PCCA: variants seen among roughly 807,000 people sequenced by gnomAD.
PCCA encodes propionyl-CoA carboxylase alpha chain, mitochondrial.
PCCA carries 74 observed loss-of-function variants against 101.3 expected under a neutral mutation model. The ratio of observed to expected loss-of-function variants is 0.73; its 90% CI spans 0.61 to 0.89. The LOEUF (loss-of-function observed/expected upper bound fraction) is 0.89, where lower values mean the gene tolerates loss of function less well. Among genes scored for constraint, PCCA ranks in the 40% least tolerant of loss-of-function variants. The pLI, the probability that PCCA is intolerant of heterozygous loss-of-function variation, is 0.00. For synonymous variants in PCCA, 294 were observed against 313.6 expected, an observed-to-expected ratio of 0.94 and a Z score of 0.66; for missense variants, 891 against 907.0, an observed-to-expected ratio of 0.98 and a Z score of 0.23.
chr13:100,505,640 G>A (rs555226167), intron 21 of PCCA, among the ~76,000 whole-genome samples: 19 of 152,296 alleles, frequency 1.2e-4, no homozygotes, highest in Non-Finnish European at 2.5e-4. Context: ...TGGGGCGGGC[G>A]GATCCCTTGA....
At chr13:100,384,636 C>A (rs1271650056) in intron 19 of PCCA, among the ~76,000 whole-genome samples, 2 of 151,904 alleles carry the variant, frequency 1.3e-5, no homozygotes, top group African/African-American at 4.8e-5. Context: ...ATCTTTTGTT[C>A]AAAAAATAGA....
intron 6 of PCCA, among the ~76,000 whole-genome samples, chr13:100,188,717 T>C (rs2057511486): frequency 1.3e-5 from 2 of 152,160 alleles, no homozygotes; most frequent in African/African-American, 4.8e-5. Flanking sequence ...CACGCCAACA[T>C]CTAATATTTT....
chr13:100,368,339 G>GT lies in PCCA; in HGVS notation c.1644-132dup, dbSNP rs1466813862. The GT allele has an allele frequency of 2.9e-5, 18 of 622,482 alleles. No individual in the cohort carries two copies. The Admixed American group carries it at 4.2e-4, about 15-fold the overall frequency. The allele number at this position is 622,482 out of a possible 1,614,324, so 38.6% of individuals were successfully genotyped here. A position where few individuals can be genotyped will look rare whatever the true frequency, so the allele number is the denominator to read the frequency against. On this transcript the variant is annotated intron_variant, in intron 18 of 23. Transcript: ENST00000376285. Reference sequence around the variant, plus strand: ...TCATAGATACATGATGATTCTTAGAGTAGGTGTTTAAAATGTTCGCAAATA... The same window carrying GT: ...TCATAGATACATGATGATTCTTAGAGTTAGGTGTTTAAAATGTTCGCAAATA...
intron 6 of PCCA, among the ~76,000 whole-genome samples, chr13:100,178,804 G>A (rs541743857): frequency 1.8e-4 from 27 of 152,124 alleles, no homozygotes; most frequent in African/African-American, 6.3e-4. Context: ...TGGGCCGGGC[G>A]CGGTGGCTCA....
intron 6 of PCCA, among the ~76,000 whole-genome samples, chr13:100,178,061 A>G (rs572230972): frequency 6.6e-5 from 10 of 152,282 alleles, no homozygotes; most frequent in South Asian, 4.2e-4. Flanking sequence ...CCAGACTTCA[A>G]TTTAATTCAG....
chr13:100,236,757 T>C (rs2060826697), intron 8 of PCCA: 1 of 152,216 alleles, frequency 6.6e-6, no homozygotes, highest in Non-Finnish European at 1.5e-5. Context: ...CCACCGCCCC[T>C]GGCTCGCAAC....
At chr13:100,419,786 G>A (rs1259165732) in intron 19 of PCCA, among the ~76,000 whole-genome samples, 14 of 152,242 alleles carry the variant, frequency 9.2e-5, no homozygotes, top group Admixed American at 6.5e-4. Flanking sequence ...CTGGTTAGGC[G>A]AGAAAATAAG....
chr13:100,207,381 T>G (rs1251489325), intron 6 of PCCA, among the ~76,000 whole-genome samples: 1 of 152,080 alleles, frequency 6.6e-6, no homozygotes, highest in Non-Finnish European at 1.5e-5. Flanking sequence ...ACAACTTTTA[T>G]TTTTGTATTT....
intron 18 of PCCA, among the ~76,000 whole-genome samples, chr13:100,355,749 G>C (rs147067971): frequency 6.6e-6 from 1 of 152,036 alleles, no homozygotes; most frequent in Admixed American, 6.6e-5. Flanking sequence ...ATCCTTACTA[G>C]AATCCCAGCT....
intron 11 of PCCA, among the ~76,000 whole-genome samples, chr13:100,272,840 A>T (rs1198005801): frequency 6.6e-6 from 1 of 152,202 alleles, no homozygotes; most frequent in East Asian, 1.9e-4. Context: ...TGTATGTTAG[A>T]TACTAATAAG....
intron 21 of PCCA, among the ~76,000 whole-genome samples, chr13:100,461,806 GGCAGTTACCTGCCTAC>G (rs1268198112): frequency 6.6e-6 from 1 of 152,174 alleles, no homozygotes; most frequent in African/African-American, 2.4e-5. Context: ...GTTGGCTCTT[GGCAGTTACCTGCCTAC>G]CCAAGCTGCA....
At chr13:100,385,813 T>C (rs2076468842) in intron 19 of PCCA, among the ~76,000 whole-genome samples, 1 of 152,170 alleles carries the variant, frequency 6.6e-6, no homozygotes, top group African/African-American at 2.4e-5. Context: ...GGTTTCACCA[T>C]GTTGCCCAGG....
intron 19 of PCCA, 32 bp downstream of exon 19, chr13:100,368,606 C>A (rs774653278): frequency 6.1e-6 from 8 of 1,309,514 alleles, no homozygotes; most frequent in Non-Finnish European, 8.9e-6. Flanking sequence ...TCTTGGTAAT[C>A]TTGATGTTAT....
chr13:100,222,739 T>C lies in PCCA; in HGVS notation c.601-13103T>C, dbSNP rs143609275. ...AATTAGTCTACAGTGTTTTTAAGAC[T>C]AAAGTCTTTTCCTTGATAACTATAT... On this transcript the variant is annotated intron_variant, in intron 7 of 23. Coordinates refer to ENST00000376285, the MANE Select transcript of PCCA (RefSeq NM_000282.4). Among the ~76,000 whole-genome samples the C allele has an allele frequency of 5.9e-3, 905 of 152,366 alleles. 9 individuals are homozygous for C. The highest frequency in any genetic ancestry group is 6.5e-3 in the Non-Finnish European group (440 of 68,026).
chr13:100,487,163 T>C (rs551565203), intron 21 of PCCA, among the ~76,000 whole-genome samples: 4 of 152,166 alleles, frequency 2.6e-5, no homozygotes, highest in Non-Finnish European at 5.9e-5. Context: ...AAGTAAGACA[T>C]AGAGGCCTCA....
chr13:100,526,508 C>T (rs1215026480), intron 22 of PCCA, among the ~76,000 whole-genome samples: 1 of 152,162 alleles, frequency 6.6e-6, no homozygotes, highest in African/African-American at 2.4e-5. Flanking sequence ...TTGCGCCACA[C>T]GGGGGGGCCA....
rs371008315 is a variant in PCCA, at chr13:100,358,805, G to A, written c.1644-9667G>A. Among the ~76,000 whole-genome samples, 148 of 152,272 alleles carry A rather than the reference G, an allele frequency of 9.7e-4. 4 individuals carry two copies. The South Asian group carries it at 0.028, about 29-fold the overall frequency. On this transcript the variant is annotated intron_variant, in intron 18 of 23. Transcript: ENST00000376285. ...TATGTCCAAACTAATCAACTTGTGT[G>A]CATTAAACATGCTGTTTTTTAAAAT...
chr13:100,341,899 C>T (rs1336544406), intron 18 of PCCA, among the ~76,000 whole-genome samples: 1 of 145,580 alleles, frequency 6.9e-6, no homozygotes, highest in African/African-American at 2.6e-5. Flanking sequence ...ATAAAAATTA[C>T]CTGTAATCCC....
At chr13:100,128,063 A>G (rs532395679) in intron 4 of PCCA, among the ~76,000 whole-genome samples, 2 of 152,278 alleles carry the variant, frequency 1.3e-5, no homozygotes, top group South Asian at 2.1e-4. Flanking sequence ...TTCAGAATCT[A>G]TGGTGTACTG....
Sources: gnomAD v4.1 joint callset for allele counts (sites outside exome capture counted in the v4.1 genomes callset) on GRCh38, gnomAD v4.1.1 for gene constraint, MANE v1.5 for transcripts, NCBI Gene and HGNC (gene_info 2026-07-23, HGNC 2026-07-21) for gene names.